The following TFPI variants were observed in gnomAD, a reference collection of about 807,000 sequenced individuals.
TFPI encodes tissue factor pathway inhibitor.
TFPI carries 15 observed loss-of-function variants against 34.6 expected under a neutral mutation model. The observed-to-expected ratio is 0.43, with a 90% CI of 0.29 to 0.67. The LOEUF (loss-of-function observed/expected upper bound fraction) is 0.67. Among genes scored for constraint, TFPI ranks in the 30% least tolerant of loss-of-function variants. TFPI has a pLI of 0.15. For missense variants in TFPI, 301 were observed against 364.0 expected (o/e 0.83, Z 1.41); for synonymous variants, 105 against 120.1 (o/e 0.87, Z 0.82).
intron 1 of TFPI, among the ~76,000 whole-genome samples, chr2:187,521,248 C>T (rs1423175739): frequency 6.6e-6 from 1 of 152,050 alleles, no homozygotes; most frequent in Non-Finnish European, 1.5e-5. Flanking sequence ...GTATACCATC[C>T]ATGTTGTCAC....
chr2:187,501,361 A>G (rs1685840401), intron 2 of TFPI, among the ~76,000 whole-genome samples: 1 of 140,414 alleles, frequency 7.1e-6, no homozygotes, highest in South Asian at 2.2e-4. Context: ...CTGCCTGAAA[A>G]CATATCATGC....
intron 1 of TFPI, among the ~76,000 whole-genome samples, chr2:187,538,227 A>G (rs1443318111): frequency 6.6e-6 from 1 of 152,216 alleles, no homozygotes; most frequent in Non-Finnish European, 1.5e-5. Context: ...CAGCAATCCT[A>G]TTACTGGGTA....
At chr2:187,503,190 T>G (rs1357644874) in intron 2 of TFPI, among the ~76,000 whole-genome samples, 3 of 152,154 alleles carry the variant, frequency 2.0e-5, no homozygotes, top group Admixed American at 1.3e-4. Flanking sequence ...GATTTTTATA[T>G]TAGTCTCAAC....
chr2:187,503,705 C>A lies in TFPI; in HGVS notation c.64G>T (p.Ala22Ser), dbSNP rs1158632431. 33 of 1,612,992 alleles carry A rather than the reference C, an allele frequency of 2.0e-5. No homozygotes were observed. The highest frequency in any genetic ancestry group is 2.8e-5 in the Non-Finnish European group (33 of 1,179,378). Reference protein sequence around the residue: ...WASVCLLLNLAPAPLNADSEE... With the variant: ...WASVCLLLNLSPAPLNADSEE... The stretch of plus-strand genomic sequence containing the variant: ...GAATCAGCATTAAGAGGGGCAGGGG[C>A]AAGATTAAGCAGCAGGCATACAGAA... Residue 22 changes from alanine to serine, a missense_variant, in exon 2 of 8, where the codon GCC (alanine) becomes TCC (serine). By Grantham distance (99) the Ala-to-Ser change is moderately conservative (BLOSUM62 1). Transcript: ENST00000233156.
At chr2:187,550,960 A>G (rs991309923) in intron 1 of TFPI, among the ~76,000 whole-genome samples, 14 of 152,078 alleles carry the variant, frequency 9.2e-5, no homozygotes, top group Admixed American at 6.6e-4. Flanking sequence ...AAGGGTCAAG[A>G]AGAGGAGAAG....
intron 1 of TFPI, among the ~76,000 whole-genome samples, chr2:187,523,643 A>C (rs1012523015): frequency 6.6e-6 from 1 of 152,088 alleles, no homozygotes; most frequent in Non-Finnish European, 1.5e-5. Context: ...ATGGGTTTCA[A>C]CAATTGCATA....
chr2:187,487,580 C>G (rs1412042147), intron 4 of TFPI, among the ~76,000 whole-genome samples: 1 of 151,372 alleles, frequency 6.6e-6, no homozygotes, highest in African/African-American at 2.4e-5. Context: ...AATATTTTCT[C>G]ATTGAAATGT....
At chr2:187,467,721 T>C (rs1469357590) in intron 7 of TFPI, 32 bp downstream of exon 7, 2 of 1,512,658 alleles carry the variant, frequency 1.3e-6, no homozygotes, top group African/African-American at 2.8e-5. Flanking sequence ...TCTTAAACAC[T>C]AGTCAATTAA....
intron 4 of TFPI, among the ~76,000 whole-genome samples, chr2:187,487,582 T>C (rs1377491097): frequency 2.0e-5 from 3 of 151,480 alleles, no homozygotes; most frequent in African/African-American, 4.8e-5. Flanking sequence ...TATTTTCTCA[T>C]TGAAATGTAA....
In TFPI at chr2:187,497,075, G is replaced by T. The variant is rs369191990; in HGVS notation, c.125C>A (p.Thr42Lys). The T allele has an allele frequency of 1.2e-6, 2 of 1,610,960 alleles. No individual in the cohort carries two copies. The highest frequency in any genetic ancestry group is 4.5e-5 in the East Asian group (2 of 44,712). ...CATAAGTTTCAGTGGTGGCAACTCC[G>T]TATCTATAAAGTAAAAATAAAAGAT... is the stretch of plus-strand genomic sequence containing the variant. ...EDEEHTIITDTELPPLKLMHS... is the reference protein window; with the variant it reads ...EDEEHTIITDKELPPLKLMHS... The change falls in exon 3 of 8, where the codon ACG (threonine) becomes AAG (lysine). Residue 42 changes from threonine (T) to lysine (K), a missense_variant. Transcript: ENST00000233156.
At chr2:187,478,730 G>A in intron 6 of TFPI, 1 of 1,613,776 alleles carries the variant, frequency 6.2e-7, no homozygotes, top group East Asian at 2.2e-5. Context: ...ATGCATGAAT[G>A]CAGAAGGCGT....
At chr2:187,516,778 T>G (rs1310078779) in intron 1 of TFPI, 1 of 152,162 alleles carries the variant, frequency 6.6e-6, no homozygotes, top group African/African-American at 2.4e-5. Context: ...ACCGGTTACG[T>G]TATCTATAGA....
intron 3 of TFPI, among the ~76,000 whole-genome samples, chr2:187,495,045 TGAGG>T (rs2106074537): frequency 6.6e-6 from 1 of 152,152 alleles, no homozygotes; most frequent in Non-Finnish European, 1.5e-5. Context: ...TGATAGATAA[TGAGG>T]AGATGGGGGT....
At chr2:187,540,890 C>CAAAAAAAAAA in intron 1 of TFPI, among the ~76,000 whole-genome samples, 1 of 84,776 alleles carries the variant, frequency 1.2e-5, no homozygotes, top group Non-Finnish European at 2.4e-5. Flanking sequence ...GACTCCATCT[C>CAAAAAAAAAA]AAAAAAAAAA....
chr2:187,541,824 G>A (rs545522657), intron 1 of TFPI, among the ~76,000 whole-genome samples: 126 of 152,242 alleles, frequency 8.3e-4, no homozygotes, highest in Non-Finnish European at 1.3e-3. Flanking sequence ...GAAATGGCCA[G>A]CAAAGCAGGA....
At chr2:187,478,697 A>G (rs1347753819) in intron 6 of TFPI, 3 of 1,613,364 alleles carry the variant, frequency 1.9e-6, no homozygotes, top group Non-Finnish European at 2.5e-6. Context: ...ATGAAATGCT[A>G]TCCAATCCTA....
chr2:187,532,149 T>G (rs1382265934), intron 1 of TFPI, among the ~76,000 whole-genome samples: 1 of 152,226 alleles, frequency 6.6e-6, no homozygotes. Context: ...TGATTTCTTA[T>G]GCATGTTAAT....
intron 1 of TFPI, among the ~76,000 whole-genome samples, chr2:187,528,366 A>C (rs948114475): frequency 2.8e-4 from 42 of 152,198 alleles, no homozygotes; most frequent in African/African-American, 1.0e-3. Flanking sequence ...ATTAAGTATT[A>C]TATTTATTTT....
Position 187,471,248 on chromosome 2 carries a change from G to A in TFPI, c.629-3316C>T, listed in dbSNP as rs185992580. 2.8e-3 allele frequency among the ~76,000 whole-genome samples: 432 copies of A among 152,180 alleles called. 4 individuals carry two copies. The highest frequency in any genetic ancestry group is 7.1e-4 in the Non-Finnish European group (48 of 67,998). On this transcript the variant is annotated intron_variant, in intron 6 of 7. Transcript: ENST00000233156. ...AACTCTGAGCAGTAAGACTATCATT[G>A]GGTTACTATACCATAAATGACAGTA...
Sources: allele counts gnomAD v4.1 joint callset (sites outside exome capture counted in the v4.1 genomes callset), GRCh38; gene constraint gnomAD v4.1.1; transcripts MANE v1.5; gene names NCBI Gene and HGNC (gene_info 2026-07-23, HGNC 2026-07-21).